ADGRG5: variants seen among roughly 807,000 people sequenced by gnomAD.
ADGRG5 encodes the protein G protein-coupled receptor 114.
A neutral mutation model predicts 53.2 loss-of-function variants in ADGRG5; 37 were observed. That is an observed-to-expected ratio of 0.70 (90% CI 0.53 to 0.91). ADGRG5 has a LOEUF of 0.91. ADGRG5 is among the 40% of genes least tolerant of loss of function. The pLI is 0.00. For missense variants in ADGRG5, 614 were observed against 675.8 expected, an observed-to-expected ratio of 0.91 and a Z score of 1.01; for synonymous variants, 277 against 290.4, an observed-to-expected ratio of 0.95 and a Z score of 0.47.
intron 1 of ADGRG5, among the ~76,000 whole-genome samples, chr16:57,560,576 G>C (rs1243253883): frequency 1.3e-5 from 2 of 152,184 alleles, no homozygotes; most frequent in Admixed American, 1.3e-4. Flanking sequence ...GAATCTGAGT[G>C]GGGGAGGATG....
In ADGRG5 at chr16:57,575,642, G is replaced by A; in HGVS notation, c.*104G>A. On this transcript the variant is annotated 3_prime_UTR_variant, in exon 12 of 12. Coordinates refer to ENST00000349457, the MANE Select transcript of ADGRG5 (RefSeq NM_001304376.3). ...GCAGGCCTGCTGCTGGACCCCAGAG[G>A]CCACTGTGACCGCCAAGGGGCCTTT... The A allele has an allele frequency of 1.1e-6, 1 of 888,976 alleles. No homozygotes were observed. The highest frequency in any genetic ancestry group is 1.4e-5 in the South Asian group (1 of 69,072). 55.1% of individuals were successfully genotyped at this position (888,976 alleles called of 1,614,324 possible).
chr16:57,545,441 C>A (rs531090236), intron 1 of ADGRG5, among the ~76,000 whole-genome samples: 46 of 152,264 alleles, frequency 3.0e-4, no homozygotes, highest in African/African-American at 9.6e-4. Flanking sequence ...GATCCCAGCC[C>A]TTTGGGAGGC....
intron 1 of ADGRG5, among the ~76,000 whole-genome samples, chr16:57,556,908 C>CTTTGTTTTTTT: frequency 8.6e-6 from 1 of 115,780 alleles, no homozygotes; most frequent in African/African-American, 3.6e-5. Flanking sequence ...TTGCCTTCTT[C>CTTTGTTTTTTT]TTTTTTTTTT....
chr16:57,575,589 G>A lies in ADGRG5; in HGVS notation c.*51G>A. The stretch of plus-strand genomic sequence containing the variant: ...CAGCCTCTCTGGCCGCCAGTAGCCT[G>A]AGGCTACGGCTCCTGCTAGAGAGGG... On this transcript the variant is annotated 3_prime_UTR_variant, in exon 12 of 12. Coordinates refer to ENST00000349457, the MANE Select transcript of ADGRG5 (RefSeq NM_001304376.3). The A allele has an allele frequency of 7.0e-7, 1 of 1,435,366 alleles. No individual in the cohort carries two copies. Among genetic ancestry groups the A allele is most frequent in the South Asian group, 1.1e-5 (1 of 87,084 alleles). The allele number at this position is 1,435,366 out of a possible 1,614,324, so 88.9% of individuals were successfully genotyped here.
the ADGRG5 span, among the ~76,000 whole-genome samples, chr16:57,536,195 C>G: frequency 6.6e-6 from 1 of 152,146 alleles, no homozygotes; most frequent in Non-Finnish European, 1.5e-5. Flanking sequence ...TCCCAAATTC[C>G]GTCCCCGCCC....
chr16:57,567,228 G>A (rs2033158897), intron 7 of ADGRG5, among the ~76,000 whole-genome samples: 1 of 152,212 alleles, frequency 6.6e-6, no homozygotes, highest in African/African-American at 2.4e-5. Context: ...GGGCAAAGTG[G>A]TGGAACCCCA....
At chr16:57,553,480 C>G (rs527605010) in intron 1 of ADGRG5, among the ~76,000 whole-genome samples, 1 of 152,138 alleles carries the variant, frequency 6.6e-6, no homozygotes, top group East Asian at 1.9e-4. Flanking sequence ...AAAAATTAAT[C>G]GACAAAAATC....
chr16:57,570,323 C>T (rs1374571075), intron 9 of ADGRG5, 95 bp from the exon 10 acceptor site: 2 of 731,620 alleles, frequency 2.7e-6, no homozygotes, highest in East Asian at 2.6e-5. Context: ...TGTCCCTTGA[C>T]CAGTGAAATT....
At chr16:57,536,925 G>A in the ADGRG5 span, among the ~76,000 whole-genome samples, 17 of 152,288 alleles carry the variant, frequency 1.1e-4, no homozygotes, top group African/African-American at 3.1e-4. Context: ...AGCTCGGCAC[G>A]TGGAGCGAGC....
At chr16:57,568,316 T>C (rs536451132) in intron 9 of ADGRG5, among the ~76,000 whole-genome samples, 192 bp downstream of exon 9, 1 of 151,386 alleles carries the variant, frequency 6.6e-6, no homozygotes, top group Admixed American at 6.6e-5. Context: ...TCCATCATCA[T>C]CATCGTCACC....
the ADGRG5 span, among the ~76,000 whole-genome samples, chr16:57,535,233 T>TG: frequency 6.6e-6 from 1 of 152,110 alleles, no homozygotes; most frequent in Non-Finnish European, 1.5e-5. Flanking sequence ...GCAGGACCTC[T>TG]GGGGGGAGCT....
intron 1 of ADGRG5, among the ~76,000 whole-genome samples, chr16:57,545,053 A>G (rs1163429116): frequency 2.0e-5 from 3 of 151,960 alleles, no homozygotes; most frequent in African/African-American, 7.3e-5. Flanking sequence ...GCTGGGATTA[A>G]GGCATGAGCC....
chr16:57,541,772 ACTCT>A (rs1491507852), upstream of ADGRG5, among the ~76,000 whole-genome samples: 2 of 151,510 alleles, frequency 1.3e-5, no homozygotes, highest in South Asian at 2.1e-4. Flanking sequence ...CATTACCAAC[ACTCT>A]CTCTCTATCC....
chr16:57,565,075 G>C lies in ADGRG5; in HGVS notation c.471G>C (p.Gly157=). 6.2e-7 allele frequency: 1 copy of C among 1,613,808 alleles called. No individual in the cohort carries two copies. Among genetic ancestry groups the C allele is most frequent in the South Asian group, 1.1e-5 (1 of 91,076 alleles). ...NSSLLNNYVL[G]AQLSHGHVNN... ...CTCTGCTGAATAACTACGTCCTGGGGGCCCAGCTGAGTCATGGGCACGTGA... is the reference window on the plus strand; with the variant it reads ...CTCTGCTGAATAACTACGTCCTGGGCGCCCAGCTGAGTCATGGGCACGTGA... The change falls in exon 6 of 12, where the codon GGG becomes GGC. Residue 157 remains glycine, a synonymous_variant. Transcript: ENST00000349457.
intron 9 of ADGRG5, among the ~76,000 whole-genome samples, chr16:57,568,512 C>T (rs369537042): frequency 1.3e-3 from 202 of 151,370 alleles, no homozygotes; most frequent in African/African-American, 4.6e-3. Context: ...TCACCACCAT[C>T]GTCACCTCCT....
chr16:57,545,581 T>C (rs2146750683), intron 1 of ADGRG5, among the ~76,000 whole-genome samples: 1 of 152,342 alleles, frequency 6.6e-6, no homozygotes, highest in East Asian at 1.9e-4. Context: ...ATACAATAAG[T>C]TGCATACTCT....
rs1248569260 is a variant in ADGRG5 at position 57,574,582 on chromosome 16, T to C, written c.1209-233T>C. ...GACATGGGGACGTGAGAGAAACCACTGTGGCTGGAAAGGTGGGCATGAGGG... is the reference window on the plus strand; with the variant it reads ...GACATGGGGACGTGAGAGAAACCACCGTGGCTGGAAAGGTGGGCATGAGGG... On this transcript the variant is annotated intron_variant, in intron 10 of 11. Transcript: ENST00000349457. The surrounding 1 kb of genome is among the most constrained non-coding windows in gnomAD (Gnocchi z 4.4). Among the ~76,000 whole-genome samples, 3 of 152,154 alleles carry C rather than the reference T, an allele frequency of 2.0e-5. No individual in the cohort carries two copies. Among genetic ancestry groups the C allele is most frequent in the African/African-American group, 7.2e-5 (3 of 41,434 alleles).
At position 57,563,134 on chromosome 16, in the gene ADGRG5, C is replaced by A; in HGVS notation, c.184C>A (p.Pro62Thr). 1 of 1,614,160 alleles carries A rather than the reference C, an allele frequency of 6.2e-7. No individual in the cohort carries two copies. Among genetic ancestry groups the A allele is most frequent in the Non-Finnish European group, 8.5e-7 (1 of 1,180,014 alleles). Residue 62 changes from proline to threonine, a missense_variant, in exon 4 of 12, where the codon CCA becomes ACA. Pro to Thr is a conservative substitution (Grantham distance 38). Coordinates refer to ENST00000349457, the MANE Select transcript of ADGRG5 (RefSeq NM_001304376.3). ...GCAGATGCTACTGAACACCAGCTTC[C>A]CAGGCTACAACCTGACCTTGCAGAC... ...LEQMLLNTSF[P>T]GYNLTLQTPT... is the part of the protein sequence containing the mutation.
rs968411717 is a variant in ADGRG5, at chr16:57,574,070, C to A, written c.1209-745C>A. Among the ~76,000 whole-genome samples the A allele has an allele frequency of 1.6e-4, 24 of 152,168 alleles. No individual in the cohort carries two copies. The highest frequency in any genetic ancestry group is 5.6e-4 in the African/African-American group (23 of 41,424). On this transcript the variant is annotated intron_variant, in intron 10 of 11. Transcript: ENST00000349457. This position sits in a 1 kb window ranked among gnomAD's most constrained non-coding sequence, Gnocchi z 4.4. ...GTCCTTACATTTCCCTGTCTCTAAA[C>A]CCTTTTCTCCTGCCTCAGCATGACA... is the stretch of plus-strand genomic sequence containing the variant.
Sources: gnomAD v4.1 joint callset for allele counts (sites outside exome capture counted in the v4.1 genomes callset) on GRCh38, gnomAD v4.1.1 for gene constraint, Gnocchi (gnomAD v3.1) non-coding constraint, MANE v1.5 for transcripts, NCBI Gene and HGNC (gene_info 2026-07-23, HGNC 2026-07-21) for gene names.